MLF1: variants seen among roughly 807,000 people sequenced by gnomAD.
MLF1 encodes the protein myeloid leukemia factor 1.
Under a neutral mutation model 38.3 loss-of-function variants are expected in MLF1, and 37 were observed. The observed-to-expected ratio is 0.96, with a 90% CI of 0.74 to 1.27. MLF1 has a LOEUF of 1.27. MLF1 is among the 50% of genes most tolerant of loss of function. The pLI is 0.00. For synonymous variants in MLF1, 95 were observed against 106.5 expected, an observed-to-expected ratio of 0.89 and a Z score of 0.66; for missense variants, 331 against 349.2, an observed-to-expected ratio of 0.95 and a Z score of 0.42.
chr3:158,597,476 C>G (rs1161769692), intron 4 of MLF1, among the ~76,000 whole-genome samples: 1 of 152,068 alleles, frequency 6.6e-6, no homozygotes, highest in Non-Finnish European at 1.5e-5. Context: ...TCCAAATAAA[C>G]TAGTACTATA....
chr3:158,606,129 G>T lies in MLF1; in HGVS notation c.*927G>T, dbSNP rs543790454. On this transcript the variant is annotated 3_prime_UTR_variant, in exon 8 of 8. Coordinates refer to ENST00000466246, the MANE Select transcript of MLF1 (RefSeq NM_001369783.1). ...TGAGCAACGTCTTAATAATTCAGTT[G>T]TTTCTGTTTTAATTATACCATTAAA... 1 of 179,820 alleles carries T rather than the reference G, an allele frequency of 5.6e-6. No homozygotes were observed. The highest frequency in any genetic ancestry group is 6.3e-5 in the Admixed American group (1 of 15,908). 11.1% of individuals were successfully genotyped at this position (179,820 alleles called of 1,614,324 possible).
At chr3:158,578,272 C>G (rs1405885644) in intron 1 of MLF1, among the ~76,000 whole-genome samples, 1 of 151,988 alleles carries the variant, frequency 6.6e-6, no homozygotes, top group Non-Finnish European at 1.5e-5. Flanking sequence ...GTGAGCCTGC[C>G]ATGTCAGTTA....
At chr3:158,585,413 GC>G (rs1333993040) in intron 1 of MLF1, among the ~76,000 whole-genome samples, 2 of 152,084 alleles carry the variant, frequency 1.3e-5, no homozygotes, top group East Asian at 3.9e-4. Flanking sequence ...GATGATGCTG[GC>G]TCCATGATTC....
intron 7 of MLF1, 50 bp from the exon 8 acceptor site, chr3:158,605,047 C>T (rs774411177): frequency 6.8e-6 from 9 of 1,316,610 alleles, no homozygotes; most frequent in Middle Eastern, 1.8e-4. Flanking sequence ...GATTTATAAA[C>T]CATTGGCCAT....
At chr3:158,575,223 T>A (rs1365367242) in intron 1 of MLF1, among the ~76,000 whole-genome samples, 3 of 152,192 alleles carry the variant, frequency 2.0e-5, no homozygotes, top group Non-Finnish European at 4.4e-5. Context: ...AAGGTAAAAT[T>A]GTTGCAGTTA....
At chr3:158,588,799 G>T (rs2566340) in intron 1 of MLF1, 1 of 446,930 alleles carries the variant, frequency 2.2e-6, no homozygotes, top group Non-Finnish European at 4.5e-6. Flanking sequence ...CCTCAATTAA[G>T]ACATAAGCTT....
rs1055253495 is a variant in MLF1 at position 158,590,733 on chromosome 3, G to A, written c.48-1701G>A. ...TCATGGTAACTAGGGCTAGGAGCAG[G>A]TAATTATCTGCAAAGAGACGAGGAA... is the stretch of plus-strand genomic sequence containing the variant. On this transcript the variant is annotated intron_variant, in intron 1 of 7. Transcript: ENST00000466246. 1.5e-5 allele frequency: 7 copies of A among 453,874 alleles called. No homozygotes were observed. In the Admixed American group the frequency reaches 1.7e-4, roughly 11 times the overall value. 28.1% of individuals were successfully genotyped at this position (453,874 alleles called of 1,614,324 possible). A position where few individuals can be genotyped will look rare whatever the true frequency, so the allele number is the denominator to read the frequency against.
intron 3 of MLF1, 123 bp downstream of exon 3, chr3:158,593,549 A>C: frequency 1.5e-6 from 1 of 670,542 alleles, no homozygotes; most frequent in Middle Eastern, 2.5e-4. Context: ...TAATGTTTGT[A>C]CTGAAAACCT....
intron 1 of MLF1, among the ~76,000 whole-genome samples, chr3:158,589,903 T>C (rs1717873611): frequency 6.6e-6 from 1 of 152,346 alleles, no homozygotes; most frequent in Middle Eastern, 3.4e-3. Context: ...AAGCCAGCAG[T>C]GTAGCATCTT....
At chr3:158,599,620 C>A (rs1266444593) in intron 5 of MLF1, among the ~76,000 whole-genome samples, 2 of 152,034 alleles carry the variant, frequency 1.3e-5, no homozygotes, top group African/African-American at 4.8e-5. Flanking sequence ...AGTTGATAGT[C>A]GGGAATCATG....
chr3:158,590,052 A>G (rs1393860995), intron 1 of MLF1, among the ~76,000 whole-genome samples: 1 of 152,218 alleles, frequency 6.6e-6, no homozygotes, highest in Non-Finnish European at 1.5e-5. Context: ...AAGACCTAAC[A>G]AAGATTCATG....
rs774704786 is a variant in MLF1, at chr3:158,598,160, G to A, written c.405G>A (p.Pro135=). The change falls in exon 5 of 8, where the codon CCG becomes CCA. Residue 135 remains proline, a synonymous_variant. Coordinates refer to ENST00000466246, the MANE Select transcript of MLF1 (RefSeq NM_001369783.1). ...CTTATTCCAAAATAGGAGATGAACC[G>A]CCAAAGGTTTTTCAGGCCTCAACTC... ...VMTYSKIGDE[P]PKVFQASTQT... The A allele has an allele frequency of 3.2e-5, 52 of 1,613,636 alleles. No homozygotes were observed. The highest frequency in any genetic ancestry group is 1.6e-4 in the Middle Eastern group (1 of 6,084).
intron 6 of MLF1, among the ~76,000 whole-genome samples, chr3:158,600,573 T>TAC (rs34572009): frequency 1.4e-4 from 4 of 28,858 alleles, no homozygotes; most frequent in African/African-American, 1.2e-3. Context: ...CTAATCATTT[T>TAC]ATATATATAA....
chr3:158,601,437 G>A lies in MLF1; in HGVS notation c.613+1264G>A, dbSNP rs114466913. 5.1e-3 allele frequency among the ~76,000 whole-genome samples: 778 copies of A among 152,250 alleles called. 4 individuals carry two copies. The highest frequency in any genetic ancestry group is 0.018 in the African/African-American group (752 of 41,550). ...ACAAAAATTAGCCGGGCATGGTGGT[G>A]CACGTGCCTGTAATCCCAGCTACTC... On this transcript the variant is annotated intron_variant, in intron 6 of 7. Transcript: ENST00000466246.
intron 1 of MLF1, among the ~76,000 whole-genome samples, chr3:158,581,095 A>G (rs1157861576): frequency 2.6e-5 from 4 of 152,202 alleles, no homozygotes; most frequent in Non-Finnish European, 5.9e-5. Context: ...ATAATTGGAG[A>G]TAGGCAGATA....
rs1158658877 is a variant in MLF1 at position 158,600,107 on chromosome 3, A to C, written c.547A>C (p.Lys183Gln). The change falls in exon 6 of 8, where the codon AAA becomes CAA. Residue 183 changes from lysine to glutamine, a missense_variant. By Grantham distance (53) the Lys-to-Gln change is moderately conservative. Coordinates refer to ENST00000466246, the MANE Select transcript of MLF1 (RefSeq NM_001369783.1). ...HHIHDRAHVI[K>Q]KSKNKKTGDE... The stretch of plus-strand genomic sequence containing the variant: ...TATCCATGACCGAGCTCATGTCATT[A>C]AAAAGTCAAAGAACAAGAAGACTGG... The C allele has an allele frequency of 5.4e-6, 8 of 1,484,612 alleles. No individual in the cohort carries two copies. The highest frequency in any genetic ancestry group is 7.2e-6 in the Non-Finnish European group (8 of 1,110,132). The allele number at this position is 1,484,612 out of a possible 1,614,324, so 92.0% of individuals were successfully genotyped here.
chr3:158,598,014 T>C lies in MLF1; in HGVS notation c.325-66T>C, dbSNP rs902386754. 6 of 1,542,084 alleles carry C rather than the reference T, an allele frequency of 3.9e-6. No homozygotes were observed. In the African/African-American group the frequency reaches 6.9e-5, roughly 18 times the overall value. Reference sequence around the variant, plus strand: ...AACTTACAGCTAGTGTTGTTACTTATTTGAACTCTCTGGCAATAATTATTT... The same window carrying C: ...AACTTACAGCTAGTGTTGTTACTTACTTGAACTCTCTGGCAATAATTATTT... On this transcript the variant is annotated intron_variant, in intron 4 of 7. Coordinates refer to ENST00000466246, the MANE Select transcript of MLF1 (RefSeq NM_001369783.1).
Position 158,583,712 on chromosome 3 carries a change from C to T in MLF1, c.48-8722C>T, listed in dbSNP as rs138599463. 4.0e-3 allele frequency among the ~76,000 whole-genome samples: 610 copies of T among 152,254 alleles called. 5 individuals carry two copies. The highest frequency in any genetic ancestry group is 0.014 in the African/African-American group (577 of 41,552). On this transcript the variant is annotated intron_variant, in intron 1 of 7. Coordinates refer to ENST00000466246, the MANE Select transcript of MLF1 (RefSeq NM_001369783.1). The stretch of plus-strand genomic sequence containing the variant: ...GAAGTAACTTTACTTTTATTCATTT[C>T]CTGACATTCATTAATTTATTTTATT...
intron 6 of MLF1, 104 bp from the exon 7 acceptor site, chr3:158,602,703 A>T: frequency 9.1e-7 from 1 of 1,094,144 alleles, no homozygotes; most frequent in Non-Finnish European, 1.3e-6. Flanking sequence ...TATTGAGGTT[A>T]CACTAATGAA....
Sources: allele counts gnomAD v4.1 joint callset (sites outside exome capture counted in the v4.1 genomes callset), GRCh38; gene constraint gnomAD v4.1.1; transcripts MANE v1.5; gene names NCBI Gene and HGNC (gene_info 2026-07-23, HGNC 2026-07-21).